ADAD2: variants seen among roughly 807,000 people sequenced by gnomAD.
ADAD2 encodes the protein adenosine deaminase domain-containing protein 2.
ADAD2 carries 60 observed loss-of-function variants against 54.5 expected under a neutral mutation model. The observed-to-expected ratio is 1.10, with a 90% CI of 0.89 to 1.36. The LOEUF (loss-of-function observed/expected upper bound fraction) is 1.36. Among genes scored for constraint, ADAD2 ranks in the 40% most tolerant of loss-of-function variants. The probability of loss-of-function intolerance (pLI) is 0.00; values close to 1 mark genes in which losing one functional copy is unlikely to be tolerated. For synonymous variants in ADAD2, 543 were observed against 366.2 expected (o/e 1.48, Z -5.51); for missense variants, 1,103 against 801.3 (o/e 1.38, Z -4.54).
At chr16:84,191,836 G>A in intron 1 of ADAD2, 188 bp downstream of exon 1, 3 of 819,042 alleles carry the variant, frequency 3.7e-6, no homozygotes, top group Admixed American at 2.0e-5. Context: ...CGATCTCCAA[G>A]GATCACCAGC....
chr16:84,196,847 C>A (rs1304879032), intron 9 of ADAD2, 23 bp from the exon 10 acceptor site: 3 of 1,592,940 alleles, frequency 1.9e-6, no homozygotes, highest in East Asian at 2.3e-5. Context: ...TCCTCTCACC[C>A]CACCTCTCAT....
chr16:84,191,996 C>G (rs1422047028), intron 1 of ADAD2: 1 of 427,582 alleles, frequency 2.3e-6, no homozygotes, highest in South Asian at 2.2e-5. Flanking sequence ...ATTGGAGATA[C>G]CGAAATGGGA....
chr16:84,194,354 C>T (rs1430532643), intron 1 of ADAD2, 88 bp from the exon 2 acceptor site: 18 of 1,549,938 alleles, frequency 1.2e-5, no homozygotes, highest in Admixed American at 1.9e-5. Flanking sequence ...TGACCGTCCT[C>T]GATATCAGGT....
chr16:84,194,251 C>T (rs777556555), intron 1 of ADAD2, 191 bp from the exon 2 acceptor site: 9 of 1,553,842 alleles, frequency 5.8e-6, no homozygotes, highest in Non-Finnish European at 6.1e-6. Flanking sequence ...AGCGATGGGT[C>T]ACAGCCTGCA....
chr16:84,196,321 G>C lies in ADAD2; in HGVS notation c.1477G>C (p.Asp493His). The C allele has an allele frequency of 6.2e-7, 1 of 1,612,984 alleles. No homozygotes were observed. Among genetic ancestry groups the C allele is most frequent in the Non-Finnish European group, 8.5e-7 (1 of 1,179,986 alleles). ...RGLSLNWSLG[D>H]PGIEVVDVAT... ...CCTGAGCCTCAACTGGAGCCTGGGG[G>C]ACCCTGGCATCGAGGTTGTGGATGT... Residue 493 changes from aspartate to histidine, a missense_variant, in exon 8 of 10, where the codon GAC becomes CAC. Physicochemically the swap from Asp to His is moderately conservative, Grantham distance 81. Coordinates refer to ENST00000315906, the MANE Select transcript of ADAD2 (RefSeq NM_001145400.2).
intron 8 of ADAD2, 129 bp from the exon 9 acceptor site, chr16:84,196,518 A>T: frequency 6.5e-7 from 1 of 1,546,672 alleles, no homozygotes; most frequent in South Asian, 1.2e-5. Context: ...AGTGGTGGCC[A>T]CACCTCTGTC....
chr16:84,197,152 G>A lies in ADAD2; in HGVS notation c.*178G>A, dbSNP rs2089743052. ...TGCTGCACGTTTGGGCTTGAATAAA[G>A]AAGTATTTCTGGTTCCTGTGTGTGT... On this transcript the variant is annotated 3_prime_UTR_variant, in exon 10 of 10. Transcript: ENST00000315906. The A allele has an allele frequency of 3.1e-6, 2 of 635,014 alleles. No individual in the cohort carries two copies. Among genetic ancestry groups the A allele is most frequent in the East Asian group, 2.7e-5 (1 of 36,392 alleles). The allele number at this position is 635,014 out of a possible 1,614,324, so 39.3% of individuals were successfully genotyped here. A position where few individuals can be genotyped will look rare whatever the true frequency, so the allele number is the denominator to read the frequency against.
intron 6 of ADAD2, 43 bp downstream of exon 6, chr16:84,195,740 G>A (rs372591388): frequency 2.5e-4 from 389 of 1,531,228 alleles, no homozygotes; most frequent in African/African-American, 1.5e-3. Flanking sequence ...GGGCTCCCTC[G>A]GTTGGGCTGC....
At chr16:84,192,005 G>A (rs1459844772) in intron 1 of ADAD2, 1 of 415,860 alleles carries the variant, frequency 2.4e-6, no homozygotes, top group East Asian at 5.3e-5. Context: ...ACCGAAATGG[G>A]AGCCACTCCC....
chr16:84,191,921 G>T (rs1014471942), intron 1 of ADAD2: 13 of 577,964 alleles, frequency 2.2e-5, no homozygotes, highest in Admixed American at 8.8e-5. Context: ...GGAGGTTAAG[G>T]CCCCCTGGTA....
At chr16:84,196,091 G>A in intron 7 of ADAD2, 36 bp from the exon 8 acceptor site, 4 of 1,599,784 alleles carry the variant, frequency 2.5e-6, no homozygotes, top group Non-Finnish European at 3.4e-6. Flanking sequence ...AGGGCAGGGA[G>A]GTCACTCACC....
At position 84,196,353 on chromosome 16, in the gene ADAD2, C is replaced by T. The variant is rs572866491; in HGVS notation, c.1509C>T (p.Thr503=). 1.2e-4 allele frequency: 191 copies of T among 1,612,128 alleles called. 1 individual carries two copies. The highest frequency in any genetic ancestry group is 3.3e-4 in the Middle Eastern group (2 of 6,050). The change falls in exon 8 of 10, where the codon ACC becomes ACT. Residue 503 remains threonine, a synonymous_variant. Coordinates refer to ENST00000315906, the MANE Select transcript of ADAD2 (RefSeq NM_001145400.2). ...GCATCGAGGTTGTGGATGTGGCCACCGGGCGTGTGAAGGCCAAGTGAGAAG... is the reference window on the plus strand; with the variant it reads ...GCATCGAGGTTGTGGATGTGGCCACTGGGCGTGTGAAGGCCAAGTGAGAAG... ...DPGIEVVDVA[T]GRVKANAALG... is the part of the protein sequence containing the mutation.
rs1015077091 is a variant in ADAD2, at chr16:84,191,459, G to A, written c.229G>A (p.Glu77Lys). The stretch of plus-strand genomic sequence containing the variant: ...GCCTGGGGCAGGGGCCGGAGTCGGG[G>A]AACTGGGGGCAGCCCGGGCGTGGGA... Reference protein sequence around the residue: ...SGPGAGAGVGELGAARAWENL... With the variant: ...SGPGAGAGVGKLGAARAWENL... Residue 77 changes from glutamate to lysine, a missense_variant, in exon 1 of 10, where the codon GAA (glutamate) becomes AAA (lysine). Transcript: ENST00000315906. 2.6e-6 allele frequency: 4 copies of A among 1,530,404 alleles called. No individual in the cohort carries two copies. The Admixed American group carries it at 6.3e-5, about 24-fold the overall frequency. The allele number at this position is 1,530,404 out of a possible 1,614,324, so 94.8% of individuals were successfully genotyped here. A position where few individuals can be genotyped will look rare whatever the true frequency, so the allele number is the denominator to read the frequency against.
At chr16:84,194,074 G>A in intron 1 of ADAD2, 1 of 1,612,400 alleles carries the variant, frequency 6.2e-7, no homozygotes, top group Non-Finnish European at 8.5e-7. Context: ...GCAGGTGGAA[G>A]TGCTCAGAGC....
chr16:84,196,916 ACCAGCAGGG>A lies in ADAD2; in HGVS notation c.1697_1705del (p.Gln566_Gly568del). The A allele has an allele frequency of 6.2e-7, 1 of 1,603,828 alleles. No individual in the cohort carries two copies. The highest frequency in any genetic ancestry group is 8.5e-7 in the Non-Finnish European group (1 of 1,176,300). On this transcript the variant is annotated inframe_deletion, in exon 10 of 10. Transcript: ENST00000315906. ...CGCAGGCAGCTGTCTCTCCTCCTGG[ACCAGCAGGG>A]CCTGGGGGCTTGGCCCTCGAAGCCA... is the stretch of plus-strand genomic sequence containing the variant.
rs779661898 is a variant in ADAD2 at position 84,195,427 on chromosome 16, G to A, written c.865G>A (p.Ala289Thr). The A allele has an allele frequency of 1.9e-5, 31 of 1,609,322 alleles. No homozygotes were observed. Among genetic ancestry groups the A allele is most frequent in the South Asian group, 2.2e-5 (2 of 90,970 alleles). The change falls in exon 5 of 10, where the codon GCC (alanine) becomes ACC (threonine). Residue 289 changes from alanine to threonine, a missense_variant. Physicochemically the swap from Ala to Thr is moderately conservative, Grantham distance 58. Transcript: ENST00000315906. ...CCACGACTGCCATGGCCTGGTCATC[G>A]CCCGCAGGGCCCTGCTGAGGTGAGG... The part of the protein sequence containing the change: ...QLHDCHGLVI[A>T]RRALLRFLFR...
chr16:84,194,149 A>C lies in ADAD2; in HGVS notation c.419-293A>C, dbSNP rs767581205. The C allele has an allele frequency of 3.1e-6, 5 of 1,611,832 alleles. No individual in the cohort carries two copies. The South Asian group carries it at 5.5e-5, about 18-fold the overall frequency. ...GGACCTGGATTTGGGTCCTGACTCA[A>C]GTTGGGCAAACCGCCTGCCGTTTCT... On this transcript the variant is annotated intron_variant, in intron 1 of 9. Coordinates refer to ENST00000315906, the MANE Select transcript of ADAD2 (RefSeq NM_001145400.2).
intron 1 of ADAD2, chr16:84,193,494 C>T (rs1321521776): frequency 2.6e-5 from 4 of 153,592 alleles, no homozygotes; most frequent in African/African-American, 9.7e-5. Flanking sequence ...TGGCACGCAT[C>T]TCACCAGGAA....
At chr16:84,195,002 C>T (rs748238148) in intron 3 of ADAD2, 22 bp downstream of exon 3, 142 of 1,541,994 alleles carry the variant, frequency 9.2e-5, no homozygotes, top group East Asian at 4.6e-5. Context: ...TTCCCGGACC[C>T]AGGCTTGTAG....
Sources: gnomAD v4.1 joint callset for allele counts on GRCh38, gnomAD v4.1.1 for gene constraint, MANE v1.5 for transcripts, NCBI Gene and HGNC (gene_info 2026-07-23, HGNC 2026-07-21) for gene names.